The following BCAT1 variants were observed in gnomAD, a reference collection of about 807,000 sequenced individuals.
The protein encoded by BCAT1 is branched-chain-amino-acid aminotransferase, cytosolic.
Under a neutral mutation model 52.4 loss-of-function variants are expected in BCAT1, and 48 were observed. The observed-to-expected ratio is 0.92, with a 90% confidence interval of 0.73 to 1.16. The LOEUF (loss-of-function observed/expected upper bound fraction) is 1.16. Ranked by LOEUF, BCAT1 falls within the 50% of genes most tolerant of loss-of-function variation. The pLI is 0.00. For missense variants in BCAT1, 451 were observed against 457.1 expected, an observed-to-expected ratio of 0.99 and a Z score of 0.12; for synonymous variants, 167 against 161.3, an observed-to-expected ratio of 1.04 and a Z score of -0.27.
intron 10 of BCAT1, among the ~76,000 whole-genome samples, chr12:24,821,907 T>C (rs1472652632): frequency 1.3e-5 from 2 of 152,158 alleles, no homozygotes; most frequent in Non-Finnish European, 2.9e-5. Context: ...CTGAACGAGA[T>C]GAGTCATAAA....
intron 1 of BCAT1, among the ~76,000 whole-genome samples, chr12:24,921,236 A>C (rs972993707): frequency 7.2e-5 from 11 of 152,182 alleles, no homozygotes; most frequent in Non-Finnish European, 1.5e-5. Flanking sequence ...TAATATACAA[A>C]AAGACAGCAC....
chr12:24,844,910 A>AAAAAAAAAAAAAAAAAAAAAAAAAAAAC (rs1439276080), intron 6 of BCAT1, among the ~76,000 whole-genome samples: 1 of 146,918 alleles, frequency 6.8e-6, no homozygotes, highest in Non-Finnish European at 1.5e-5. Context: ...AAAAAAAAAA[A>AAAAAAAAAAAAAAAAAAAAAAAAAAAAC]AAAAAAAGAG....
At chr12:24,907,014 A>G (rs1186084278) in intron 1 of BCAT1, among the ~76,000 whole-genome samples, 2 of 152,152 alleles carry the variant, frequency 1.3e-5, no homozygotes, top group African/African-American at 2.4e-5. Context: ...CACATCACCC[A>G]TTTGACAAAA....
chr12:24,929,756 GC>G (rs1213009086), intron 1 of BCAT1, among the ~76,000 whole-genome samples: 1 of 151,952 alleles, frequency 6.6e-6, no homozygotes, highest in African/African-American at 2.4e-5. Context: ...CCCTCAATAA[GC>G]CCCAAGCCCT....
chr12:24,922,163 C>CT (rs1167853548), intron 1 of BCAT1, among the ~76,000 whole-genome samples: 2 of 151,900 alleles, frequency 1.3e-5, no homozygotes, highest in African/African-American at 2.4e-5. Context: ...AAGATTGTTC[C>CT]TTTTTTTTGA....
chr12:24,923,096 A>T (rs1213161352), intron 1 of BCAT1, among the ~76,000 whole-genome samples: 2 of 152,152 alleles, frequency 1.3e-5, no homozygotes, highest in African/African-American at 4.8e-5. Flanking sequence ...GCTGTCATGT[A>T]AACACCCCTA....
chr12:24,870,314 C>T (rs1033381772), intron 5 of BCAT1, among the ~76,000 whole-genome samples: 1 of 151,862 alleles, frequency 6.6e-6, no homozygotes, highest in Admixed American at 6.6e-5. Flanking sequence ...ATACATAATA[C>T]AATATATAAA....
chr12:24,921,972 CAT>C lies in BCAT1; in HGVS notation c.7-20089_7-20088del, dbSNP rs557306759. 2.1e-3 allele frequency among the ~76,000 whole-genome samples: 315 copies of C among 152,328 alleles called. 1 individual carries two copies. The highest frequency in any genetic ancestry group is 7.2e-3 in the African/African-American group (299 of 41,566). On this transcript the variant is annotated intron_variant, in intron 1 of 10. Coordinates refer to ENST00000261192, the MANE Select transcript of BCAT1 (RefSeq NM_005504.7). ...GTCGTTAGATAAGAAAACTAGCACA[CAT>C]GTGCACACATACACACATACACACA... is the stretch of plus-strand genomic sequence containing the variant.
intron 1 of BCAT1, among the ~76,000 whole-genome samples, chr12:24,933,958 AT>A (rs1943717111): frequency 6.6e-6 from 1 of 152,034 alleles, no homozygotes; most frequent in Non-Finnish European, 1.5e-5. Context: ...ATGCACATGA[AT>A]TCTCCTCTTG....
chr12:24,895,518 T>C (rs906985779), intron 2 of BCAT1, among the ~76,000 whole-genome samples: 1 of 146,802 alleles, frequency 6.8e-6, no homozygotes, highest in Non-Finnish European at 1.5e-5. Context: ...AGAGCAAGAC[T>C]CTGTCTCAGA....
intron 3 of BCAT1, among the ~76,000 whole-genome samples, chr12:24,884,393 G>A (rs1942596459): frequency 6.6e-6 from 1 of 152,184 alleles, no homozygotes; most frequent in South Asian, 2.1e-4. Context: ...ATTTCAATTA[G>A]GAGGAATAAG....
chr12:24,857,641 T>C (rs1046974970), intron 5 of BCAT1, among the ~76,000 whole-genome samples: 2 of 152,244 alleles, frequency 1.3e-5, no homozygotes, highest in Non-Finnish European at 2.9e-5. Flanking sequence ...CTGGGCTTCC[T>C]TAGAAAAAAC....
intron 7 of BCAT1, 73 bp from the exon 8 acceptor site, chr12:24,836,669 T>C: frequency 7.9e-7 from 1 of 1,271,826 alleles, no homozygotes. Flanking sequence ...TAGCCATTTT[T>C]TTAAAAAACC....
intron 6 of BCAT1, among the ~76,000 whole-genome samples, chr12:24,847,615 G>C (rs1941386499): frequency 1.3e-5 from 2 of 152,188 alleles, no homozygotes; most frequent in Non-Finnish European, 2.9e-5. Context: ...GAGAAAAAGA[G>C]AGAAAGAGAG....
In BCAT1 at chr12:24,842,174, C is replaced by T; in HGVS notation, c.725G>A (p.Cys242Tyr). 1 of 1,613,874 alleles carries T rather than the reference C, an allele frequency of 6.2e-7. No homozygotes were observed. The highest frequency in any genetic ancestry group is 8.5e-7 in the Non-Finnish European group (1 of 1,179,758). The part of the protein sequence containing the change: ...FAQCEAVDNG[C>Y]QQVLWLYGED... The stretch of plus-strand genomic sequence containing the variant: ...TCCATAGAGCCACAGGACCTGCTGA[C>T]ACCCATTATCTACTGCTTCACATTG... Residue 242 changes from cysteine to tyrosine, a missense_variant, in exon 7 of 11, where the codon TGT (cysteine) becomes TAT (tyrosine). Physicochemically the swap from Cys to Tyr is radical, Grantham distance 194. Transcript: ENST00000261192.
intron 1 of BCAT1, among the ~76,000 whole-genome samples, chr12:24,939,101 T>C (rs777352787): frequency 7.9e-5 from 12 of 152,210 alleles, no homozygotes; most frequent in Non-Finnish European, 1.6e-4. Context: ...CTCGAACTCC[T>C]GGCCTCAAGT....
intron 1 of BCAT1, among the ~76,000 whole-genome samples, chr12:24,947,048 C>T (rs1382539733): frequency 1.3e-5 from 2 of 151,894 alleles, no homozygotes; most frequent in Non-Finnish European, 2.9e-5. Flanking sequence ...CTTTTTCTAA[C>T]CACCACCCTT....
intron 1 of BCAT1, among the ~76,000 whole-genome samples, chr12:24,924,693 C>T (rs1313922267): frequency 2.0e-5 from 3 of 151,530 alleles, no homozygotes; most frequent in Non-Finnish European, 4.4e-5. Context: ...AATATTGATC[C>T]GTATTAAAAG....
intron 5 of BCAT1, among the ~76,000 whole-genome samples, chr12:24,854,427 T>A (rs891311427): frequency 2.0e-5 from 3 of 152,172 alleles, no homozygotes; most frequent in East Asian, 1.9e-4. Context: ...TTTTCTTTTT[T>A]AAAAAACTAC....
Sources: allele counts gnomAD v4.1 joint callset (sites outside exome capture counted in the v4.1 genomes callset), GRCh38; gene constraint gnomAD v4.1.1; transcripts MANE v1.5; gene names NCBI Gene and HGNC (gene_info 2026-07-23, HGNC 2026-07-21).